Variants in NMBR observed in about 807,000 individuals in gnomAD.
The protein encoded by NMBR is neuromedin-B receptor.
In NMBR, 16 loss-of-function variants were observed where a neutral mutation model predicts 20.5. That is an observed-to-expected ratio of 0.78 (90% CI 0.53 to 1.19). The LOEUF (loss-of-function observed/expected upper bound fraction) is 1.19, where lower values mean the gene tolerates loss of function less well. NMBR is among the 50% of genes most tolerant of loss of function. The pLI is 0.00. For missense variants in NMBR, 582 were observed against 499.1 expected (o/e 1.17, Z -1.58); for synonymous variants, 212 against 196.6 (o/e 1.08, Z -0.65).
Position 142,121,366 on chromosome 6 carries a change from A to G in NMBR, c.-664+25678T>C, listed in dbSNP as rs192750713. On this transcript the variant is annotated intron_variant, in intron 1 of 3. Coordinates refer to ENST00000258042, the MANE Select transcript of NMBR (RefSeq NM_002511.4). ...TCTCACTTGAAATCAAAAGCTAGAAATGATTAAGCTTAGTGAAGAAAGCAT... is the reference window on the plus strand; with the variant it reads ...TCTCACTTGAAATCAAAAGCTAGAAGTGATTAAGCTTAGTGAAGAAAGCAT... Among the ~76,000 whole-genome samples the G allele has an allele frequency of 3.5e-4, 54 of 152,134 alleles. No homozygotes were observed. The East Asian group carries it at 8.0e-3, about 22-fold the overall frequency.
At chr6:142,096,744 G>A (rs147358968) in intron 1 of NMBR, among the ~76,000 whole-genome samples, 12,947 of 151,820 alleles carry the variant, frequency 0.085, 619 homozygotes, top group Admixed American at 0.16. Flanking sequence ...TTTCTGTCTC[G>A]TTGATCTGTC....
chr6:142,089,125 C>T lies in NMBR; in HGVS notation c.-467G>A. Reference sequence around the variant, plus strand: ...GGAACTAGGCGGGGCCACCTGCAACCTGCTTTTCCCACAGCTTTGCTCTTG... The same window carrying T: ...GGAACTAGGCGGGGCCACCTGCAACTTGCTTTTCCCACAGCTTTGCTCTTG... On this transcript the variant is annotated 5_prime_UTR_variant, in exon 2 of 4. Coordinates refer to ENST00000258042, the MANE Select transcript of NMBR (RefSeq NM_002511.4). The T allele has an allele frequency of 5.9e-6, 1 of 168,494 alleles. No homozygotes were observed. Among genetic ancestry groups the T allele is most frequent in the South Asian group, 1.4e-4 (1 of 7,082 alleles). 10.4% of individuals were successfully genotyped at this position (168,494 alleles called of 1,614,324 possible). A position where few individuals can be genotyped will look rare whatever the true frequency, so the allele number is the denominator to read the frequency against.
At chr6:142,104,728 CCT>C (rs1313149081) in intron 1 of NMBR, among the ~76,000 whole-genome samples, 1 of 152,162 alleles carries the variant, frequency 6.6e-6, no homozygotes, top group Non-Finnish European at 1.5e-5. Context: ...CTCCTCTCTC[CCT>C]CTCTTTTTTT....
intron 1 of NMBR, among the ~76,000 whole-genome samples, chr6:142,132,021 T>G (rs1778151870): frequency 6.6e-6 from 1 of 152,206 alleles, no homozygotes; most frequent in South Asian, 2.1e-4. Context: ...TACACAAATA[T>G]CTCTTATCTA....
chr6:142,104,218 G>T (rs1777616239), intron 1 of NMBR, among the ~76,000 whole-genome samples: 1 of 152,082 alleles, frequency 6.6e-6, no homozygotes, highest in Admixed American at 6.6e-5. Context: ...AAGGAAATGT[G>T]GTCATTTCTG....
chr6:142,088,244 C>T lies in NMBR; in HGVS notation c.415G>A (p.Ala139Thr). Reference sequence around the variant, plus strand: ...AGCTACCTGTGCTCTTACCTGTCGGCGCTGAGGGCAGTGAGAGTGAACACG... The same window carrying T: ...AGCTACCTGTGCTCTTACCTGTCGGTGCTGAGGGCAGTGAGAGTGAACACG... ...VSVFTLTALS[A>T]DRYRAIVNPM... is the part of the protein sequence containing the mutation. Residue 139 changes from alanine to threonine, a missense_variant, in exon 2 of 4, where the codon GCC becomes ACC. Coordinates refer to ENST00000258042, the MANE Select transcript of NMBR (RefSeq NM_002511.4). 1.2e-6 allele frequency: 2 copies of T among 1,610,774 alleles called. No individual in the cohort carries two copies. Among genetic ancestry groups the T allele is most frequent in the Non-Finnish European group, 1.7e-6 (2 of 1,179,724 alleles).
intron 2 of NMBR, among the ~76,000 whole-genome samples, chr6:142,084,346 C>G (rs1777159544): frequency 6.6e-6 from 1 of 152,166 alleles, no homozygotes; most frequent in Admixed American, 6.5e-5. Flanking sequence ...CACTCAAAAA[C>G]TTGGATTTTG....
rs1274355986 is a variant in NMBR, at chr6:142,088,518, C to T, written c.141G>A (p.Pro47=). ...TTELVIRCVI[P]SLYLLIITVG... is the part of the protein sequence containing the mutation. ...CGGTGATGATGAGCAGGTAGAGGGA[C>T]GGGATCACACAGCGGATCACCAACT... is the stretch of plus-strand genomic sequence containing the variant. The change falls in exon 2 of 4, where the codon CCG becomes CCA. Residue 47 remains proline (P), a synonymous_variant. Transcript: ENST00000258042. The T allele has an allele frequency of 6.2e-7, 1 of 1,613,900 alleles. No individual in the cohort carries two copies. The highest frequency in any genetic ancestry group is 8.5e-7 in the Non-Finnish European group (1 of 1,180,018).
intron 1 of NMBR, among the ~76,000 whole-genome samples, chr6:142,141,784 T>C (rs1301537364): frequency 2.6e-5 from 4 of 152,202 alleles, no homozygotes; most frequent in African/African-American, 7.2e-5. Context: ...ATTACAGGCA[T>C]GAGCCACCAC....
rs1437648696 is a variant in NMBR at position 142,075,380 on chromosome 6, T to A, written c.*268A>T. Among the ~76,000 whole-genome samples the A allele has an allele frequency of 1.3e-5, 2 of 152,136 alleles. No homozygotes were observed. Among genetic ancestry groups the A allele is most frequent in the African/African-American group, 4.8e-5 (2 of 41,414 alleles). ...TCTTAAATGTGAAATATATATAATG[T>A]ACATGTGTGTACATGTGTGTGTGCA... is the stretch of plus-strand genomic sequence containing the variant. On this transcript the variant is annotated 3_prime_UTR_variant, in exon 4 of 4. Coordinates refer to ENST00000258042, the MANE Select transcript of NMBR (RefSeq NM_002511.4).
At chr6:142,114,311 CA>C (rs145623168) in intron 1 of NMBR, among the ~76,000 whole-genome samples, 2,064 of 151,932 alleles carry the variant, frequency 0.014, 55 homozygotes, top group African/African-American at 0.046. Context: ...TTTTTCTTTT[CA>C]TTTTTTTTAA....
At chr6:142,108,791 G>A (rs899652848) in intron 1 of NMBR, among the ~76,000 whole-genome samples, 1 of 151,776 alleles carries the variant, frequency 6.6e-6, no homozygotes, top group Non-Finnish European at 1.5e-5. Context: ...AACCAATCAC[G>A]CCTTTCCAAT....
Position 142,076,021 on chromosome 6 carries a change from A to G in NMBR, c.800T>C (p.Ile267Thr), listed in dbSNP as rs200814414. ...GAAACAGCCCACAAAGACAAGCACA[A>G]TTTTAGCCAGGCGTTTCCGTGTTTC... ...QMETRKRLAK[I>T]VLVFVGCFIF... The change falls in exon 4 of 4, where the codon ATT becomes ACT. Residue 267 changes from isoleucine to threonine, a missense_variant. Ile to Thr is a moderately conservative substitution (Grantham distance 89). Transcript: ENST00000258042. 20 of 1,594,530 alleles carry G rather than the reference A, an allele frequency of 1.3e-5. No individual in the cohort carries two copies. The highest frequency in any genetic ancestry group is 1.8e-5 in the Admixed American group (1 of 55,868).
rs534826257 is a variant in NMBR at position 142,078,794 on chromosome 6, C to T, written c.532G>A (p.Glu178Lys). 7.0e-5 allele frequency: 113 copies of T among 1,613,862 alleles called. No homozygotes were observed. In the South Asian group the frequency reaches 1.1e-3, roughly 16 times the overall value. The change falls in exon 3 of 4, where the codon GAA (glutamate) becomes AAA (lysine). Residue 178 changes from glutamate to lysine, a missense_variant. Physicochemically the swap from Glu to Lys is moderately conservative, Grantham distance 56. Coordinates refer to ENST00000258042, the MANE Select transcript of NMBR (RefSeq NM_002511.4). Reference sequence around the variant, plus strand: ...CGAGCCACTTCTGAAAACACCGCTTCGGGAACTGCCAGCAACACGGAGACC... The same window carrying T: ...CGAGCCACTTCTGAAAACACCGCTTTGGGAACTGCCAGCAACACGGAGACC... ...WVVSVLLAVP[E>K]AVFSEVARIS... is the part of the protein sequence containing the mutation.
At chr6:142,094,447 G>T (rs988497883) in intron 1 of NMBR, among the ~76,000 whole-genome samples, 7 of 152,110 alleles carry the variant, frequency 4.6e-5, no homozygotes, top group East Asian at 1.9e-4. Flanking sequence ...GTTTGTCAAA[G>T]ATCAGATAGT....
In NMBR at chr6:142,134,777, T is replaced by C. The variant is rs890356164; in HGVS notation, c.-664+12267A>G. The C allele has an allele frequency of 4.3e-5, 30 of 692,824 alleles. No individual in the cohort carries two copies. The African/African-American group carries it at 5.3e-4, about 12-fold the overall frequency. The allele number at this position is 692,824 out of a possible 1,614,324, so 42.9% of individuals were successfully genotyped here. A position where few individuals can be genotyped will look rare whatever the true frequency, so the allele number is the denominator to read the frequency against. Reference sequence around the variant, plus strand: ...GCTAGATCTCTTGGGGAAAACATGATTATAAGATGCATGGTTCCAGAACAC... The same window carrying C: ...GCTAGATCTCTTGGGGAAAACATGACTATAAGATGCATGGTTCCAGAACAC... On this transcript the variant is annotated intron_variant, in intron 1 of 3. Coordinates refer to ENST00000258042, the MANE Select transcript of NMBR (RefSeq NM_002511.4).
intron 1 of NMBR, among the ~76,000 whole-genome samples, chr6:142,098,247 G>C (rs904024304): frequency 6.6e-6 from 1 of 152,054 alleles, no homozygotes; most frequent in African/African-American, 2.4e-5. Flanking sequence ...TGAGAAACTC[G>C]AAACTATCTT....
At chr6:142,143,552 G>A (rs1778388507) in intron 1 of NMBR, among the ~76,000 whole-genome samples, 1 of 152,226 alleles carries the variant, frequency 6.6e-6, no homozygotes, top group African/African-American at 2.4e-5. Context: ...CCAAAGTGCT[G>A]GAATTACAGG....
intron 2 of NMBR, among the ~76,000 whole-genome samples, chr6:142,087,744 GT>G (rs1460757851): frequency 6.6e-6 from 1 of 152,064 alleles, no homozygotes; most frequent in African/African-American, 2.4e-5. Context: ...GTAAAATTCA[GT>G]TAATAAATTT....
Sources: allele counts gnomAD v4.1 joint callset (sites outside exome capture counted in the v4.1 genomes callset), GRCh38; gene constraint gnomAD v4.1.1; transcripts MANE v1.5; gene names NCBI Gene and HGNC (gene_info 2026-07-23, HGNC 2026-07-21).